Variants in ABCC5 observed in about 807,000 individuals in gnomAD.
ABCC5 encodes the protein ATP-binding cassette sub-family C member 5.
Under a neutral mutation model 160.9 loss-of-function variants are expected in ABCC5, and 61 were observed. That is an observed-to-expected ratio of 0.38 (90% CI 0.31 to 0.47). The LOEUF (loss-of-function observed/expected upper bound fraction) is 0.47. Ranked by LOEUF, ABCC5 falls within the 20% of genes least tolerant of loss-of-function variation. The pLI, the probability that ABCC5 is intolerant of heterozygous loss-of-function variation, is 0.99. For synonymous variants in ABCC5, 666 were observed against 700.6 expected (o/e 0.95, Z 0.78); for missense variants, 1,308 against 1,813.3 (o/e 0.72, Z 5.06).
At chr3:183,962,342 G>A (rs1225292382) in intron 15 of ABCC5, among the ~76,000 whole-genome samples, 1 of 151,700 alleles carries the variant, frequency 6.6e-6, no homozygotes, top group East Asian at 2.0e-4. Flanking sequence ...TCAAAAAACT[G>A]TAAGTTGAAC....
intron 2 of ABCC5, among the ~76,000 whole-genome samples, chr3:183,992,117 C>T (rs1356162440): frequency 6.6e-6 from 1 of 152,260 alleles, no homozygotes; most frequent in East Asian, 1.9e-4. Context: ...TACATGCACT[C>T]TGACCACTTT....
In ABCC5 at chr3:183,949,619, T is replaced by G; in HGVS notation, c.3227+134A>C. ...CAATTGGATTTTAATCAGAGATTAT[T>G]CCATTAAATCATGAATACCCTTGGT... On this transcript the variant is annotated intron_variant, in intron 22 of 29. Coordinates refer to ENST00000334444, the MANE Select transcript of ABCC5 (RefSeq NM_005688.4). The surrounding 1 kb of genome is among the most constrained non-coding windows in gnomAD (Gnocchi z 4.2). The G allele has an allele frequency of 8.7e-7, 1 of 1,145,938 alleles. No homozygotes were observed. The highest frequency in any genetic ancestry group is 1.2e-6 in the Non-Finnish European group (1 of 827,552). The allele number at this position is 1,145,938 out of a possible 1,614,324, so 71.0% of individuals were successfully genotyped here.
chr3:183,947,605 T>C, intron 22 of ABCC5, 95 bp from the exon 23 acceptor site: 2 of 978,492 alleles, frequency 2.0e-6, no homozygotes, highest in Middle Eastern at 2.2e-4. Flanking sequence ...AGGGCACGTA[T>C]TTAAATACTT....
Position 183,953,096 on chromosome 3 carries a change from T to C in ABCC5, c.2657A>G (p.Gln886Arg). 6.2e-7 allele frequency: 1 copy of C among 1,613,748 alleles called. No individual in the cohort carries two copies. The highest frequency in any genetic ancestry group is 8.5e-7 in the Non-Finnish European group (1 of 1,179,894). Residue 886 changes from glutamine (Q) to arginine (R), a missense_variant, in exon 18 of 30, where the codon CAA (glutamine) becomes CGA (arginine). Transcript: ENST00000334444. ...STWWLSYWIK[Q>R]GSGNTTVTRG... is the part of the protein sequence containing the mutation. ...TATGAGTAACCTTACCCCGCTTCCTTGCTTGATCCAGTAACTCAACCACCA... is the reference window on the plus strand; with the variant it reads ...TATGAGTAACCTTACCCCGCTTCCTCGCTTGATCCAGTAACTCAACCACCA...
At chr3:183,985,201 CA>C (rs757456920) in intron 5 of ABCC5, 46 of 1,097,954 alleles carry the variant, frequency 4.2e-5, no homozygotes, top group Non-Finnish European at 6.0e-5. Flanking sequence ...TAAAAAGTTA[CA>C]AATGTATCAT....
chr3:183,986,384 T>C (rs1262489753), intron 5 of ABCC5: 1 of 152,212 alleles, frequency 6.6e-6, no homozygotes, highest in Non-Finnish European at 1.5e-5. Flanking sequence ...GGCTCTTAGC[T>C]TTCCCTGGCA....
At chr3:183,964,758 C>G (rs1321652778) in intron 14 of ABCC5, among the ~76,000 whole-genome samples, 1 of 152,224 alleles carries the variant, frequency 6.6e-6, no homozygotes, top group East Asian at 1.9e-4. Context: ...CCTCTGGAAA[C>G]TGCTGCAGGG....
Position 183,987,484 on chromosome 3 carries a change from C to T in ABCC5, c.591+286G>A. 3 of 600,724 alleles carry T rather than the reference C, an allele frequency of 5.0e-6. No individual in the cohort carries two copies. The highest frequency in any genetic ancestry group is 8.9e-6 in the Non-Finnish European group (3 of 337,034). The allele number at this position is 600,724 out of a possible 1,614,324, so 37.2% of individuals were successfully genotyped here. A position where few individuals can be genotyped will look rare whatever the true frequency, so the allele number is the denominator to read the frequency against. ...CATCTGCCTGCACCGACTGTCAGTTCATGTTAACACACAACCGAGAAGCAC... is the reference window on the plus strand; with the variant it reads ...CATCTGCCTGCACCGACTGTCAGTTTATGTTAACACACAACCGAGAAGCAC... On this transcript the variant is annotated intron_variant, in intron 5 of 29. Transcript: ENST00000334444. The surrounding 1 kb of genome is among the most constrained non-coding windows in gnomAD (Gnocchi z 4.2).
At chr3:183,946,003 G>C (rs1714806442) in intron 23 of ABCC5, 64 bp from the exon 24 acceptor site, 1 of 1,448,868 alleles carries the variant, frequency 6.9e-7, no homozygotes, top group Non-Finnish European at 9.7e-7. Flanking sequence ...GCCAATGCTG[G>C]AGAACTTCCT....
intron 10 of ABCC5, among the ~76,000 whole-genome samples, chr3:183,975,473 C>T (rs971449881): frequency 7.9e-5 from 12 of 152,016 alleles, no homozygotes; most frequent in African/African-American, 2.7e-4. Context: ...TCCCGAGTAG[C>T]TGGGACTACA....
In ABCC5 at chr3:183,988,771, G is replaced by A. The variant is rs753226795; in HGVS notation, c.288-44C>T. ...AATCACAAAGCTATCAACACGCACG[G>A]AGAGGGCAGCCCGTGTTTAATGGAC... On this transcript the variant is annotated intron_variant, in intron 3 of 29. Coordinates refer to ENST00000334444, the MANE Select transcript of ABCC5 (RefSeq NM_005688.4). The surrounding 1 kb of genome is among the most constrained non-coding windows in gnomAD (Gnocchi z 4.4). 17 of 1,595,862 alleles carry A rather than the reference G, an allele frequency of 1.1e-5. No homozygotes were observed. The highest frequency in any genetic ancestry group is 3.4e-6 in the Non-Finnish European group (4 of 1,171,300).
At chr3:183,938,203 A>T in intron 25 of ABCC5, 143 bp from the exon 26 acceptor site, 1 of 822,576 alleles carries the variant, frequency 1.2e-6, no homozygotes, top group Non-Finnish European at 1.9e-6. Context: ...TAATGTATAA[A>T]ATGATAGAAA....
At chr3:184,004,468 G>GC (rs1416194592) in intron 2 of ABCC5, among the ~76,000 whole-genome samples, 49 of 135,110 alleles carry the variant, frequency 3.6e-4, no homozygotes, top group African/African-American at 1.2e-3. Context: ...CCAAGACCAT[G>GC]CCACTGCACT....
Position 183,921,697 on chromosome 3 carries a change from A to C in ABCC5, c.4213-296T>G, listed in dbSNP as rs1711994819. On this transcript the variant is annotated intron_variant, in intron 29 of 29. Coordinates refer to ENST00000334444, the MANE Select transcript of ABCC5 (RefSeq NM_005688.4). The surrounding 1 kb of genome is among the most constrained non-coding windows in gnomAD (Gnocchi z 4.1). ...TCCAGACCTCCTTCACATAAATCCA[A>C]ATTCCTTCAGCCTTGGGAGTGAAGG... Among the ~76,000 whole-genome samples, 2 of 152,164 alleles carry C rather than the reference A, an allele frequency of 1.3e-5. No homozygotes were observed. Among genetic ancestry groups the C allele is most frequent in the Admixed American group, 1.3e-4 (2 of 15,270 alleles).
intron 3 of ABCC5, among the ~76,000 whole-genome samples, 159 bp downstream of exon 3, chr3:183,989,067 G>A (rs1719491614): frequency 6.7e-6 from 1 of 150,142 alleles, no homozygotes; most frequent in South Asian, 2.1e-4. Context: ...TACTCAGGAG[G>A]CTGAGAGGCA....
intron 26 of ABCC5, among the ~76,000 whole-genome samples, chr3:183,931,258 G>A (rs1713151235): frequency 6.6e-6 from 1 of 151,872 alleles, no homozygotes; most frequent in South Asian, 2.1e-4. Flanking sequence ...CAAAAGCGCG[G>A]TCTCCTGCCC....
chr3:183,953,352 C>T (rs906088231), intron 17 of ABCC5, 82 bp from the exon 18 acceptor site: 6 of 1,292,382 alleles, frequency 4.6e-6, no homozygotes, highest in South Asian at 1.5e-5. Flanking sequence ...GCAACAGAAT[C>T]GGACAACCGG....
rs150297878 is a variant in ABCC5, at chr3:183,925,012, A to T, written c.4212+543T>A. On this transcript the variant is annotated intron_variant, in intron 29 of 29. Coordinates refer to ENST00000334444, the MANE Select transcript of ABCC5 (RefSeq NM_005688.4). The stretch of plus-strand genomic sequence containing the variant: ...TAGCCAACCGCACCTGCAAAGGAAG[A>T]GTGGAAAATGAAGAAGGCAAGGCTA... Among the ~76,000 whole-genome samples the T allele has an allele frequency of 9.0e-3, 1,378 of 152,350 alleles. 7 individuals are homozygous for T. Among genetic ancestry groups the T allele is most frequent in the Non-Finnish European group, 0.014 (920 of 68,026 alleles).
chr3:183,951,969 A>G lies in ABCC5; in HGVS notation c.2702T>C (p.Val901Ala). 1 of 1,612,594 alleles carries G rather than the reference A, an allele frequency of 6.2e-7. No homozygotes were observed. The highest frequency in any genetic ancestry group is 8.5e-7 in the Non-Finnish European group (1 of 1,178,818). Residue 901 changes from valine (V) to alanine (A), a missense_variant, in exon 19 of 30, where the codon GTG (valine) becomes GCG (alanine). Around this residue, in one of 3 missense-constraint regions of ABCC5, gnomAD observed 1,142 missense variants for 1,527.1 expected, o/e 0.75. Coordinates refer to ENST00000334444, the MANE Select transcript of ABCC5 (RefSeq NM_005688.4). This position sits in a 1 kb window ranked among gnomAD's most constrained non-coding sequence, Gnocchi z 4.7. ...TTVTRGNETS[V>A]SDSMKDNPHM... ...AGGATTGTCCTTCATGCTGTCACTC[A>G]CCGAGGTCTCGTTCCCTCGAGTCAC...
Sources: gnomAD v4.1 joint callset for allele counts (sites outside exome capture counted in the v4.1 genomes callset) on GRCh38, gnomAD v4.1.1 for gene constraint, gnomAD v4.1.1 regional missense constraint, Gnocchi (gnomAD v3.1) non-coding constraint, MANE v1.5 for transcripts, NCBI Gene and HGNC (gene_info 2026-07-23, HGNC 2026-07-21) for gene names.